The following IMMP2L variants were observed in gnomAD, a reference collection of about 807,000 sequenced individuals.
IMMP2L encodes mitochondrial inner membrane protease subunit 2.
A neutral mutation model predicts 19.3 loss-of-function variants in IMMP2L; 18 were observed. That is an observed-to-expected ratio of 0.93 (90% CI 0.64 to 1.38). The LOEUF (loss-of-function observed/expected upper bound fraction) is 1.38, where lower values mean the gene tolerates loss of function less well. IMMP2L is among the 40% of genes most tolerant of loss of function. The probability of loss-of-function intolerance (pLI) is 0.00; values close to 1 mark genes in which losing one functional copy is unlikely to be tolerated. For synonymous variants in IMMP2L, 76 were observed against 73.0 expected, an observed-to-expected ratio of 1.04 and a Z score of -0.21; for missense variants, 233 against 218.2, an observed-to-expected ratio of 1.07 and a Z score of -0.43.
At chr7:110,958,745 A>C (rs1254255049) in intron 4 of IMMP2L, among the ~76,000 whole-genome samples, 1 of 152,032 alleles carries the variant, frequency 6.6e-6, no homozygotes, top group East Asian at 1.9e-4. Context: ...TGTCATGTGG[A>C]TAGGTCCTAG....
At chr7:111,422,289 T>C (rs1025107235) in intron 3 of IMMP2L, among the ~76,000 whole-genome samples, 4 of 151,912 alleles carry the variant, frequency 2.6e-5, no homozygotes, top group African/African-American at 7.3e-5. Context: ...GGGGATGGCA[T>C]TGAATCAATA....
At chr7:111,279,084 G>GA (rs1819416753) in intron 3 of IMMP2L, among the ~76,000 whole-genome samples, 1 of 152,096 alleles carries the variant, frequency 6.6e-6, no homozygotes, top group African/African-American at 2.4e-5. Flanking sequence ...CACAGACATT[G>GA]AAAAACATTA....
At chr7:110,865,953 C>T (rs1807939724) in intron 5 of IMMP2L, among the ~76,000 whole-genome samples, 1 of 151,738 alleles carries the variant, frequency 6.6e-6, no homozygotes, top group Admixed American at 6.6e-5. Flanking sequence ...TGTCAAAGTA[C>T]ATTCAGGTAT....
intron 3 of IMMP2L, among the ~76,000 whole-genome samples, chr7:111,013,353 G>T (rs543079746): frequency 6.6e-6 from 1 of 152,212 alleles, no homozygotes; most frequent in South Asian, 2.1e-4. Context: ...CAATGAAAAG[G>T]CTTCTACAAC....
intron 3 of IMMP2L, among the ~76,000 whole-genome samples, chr7:111,034,651 G>T (rs1048042856): frequency 6.6e-6 from 1 of 152,078 alleles, no homozygotes; most frequent in Non-Finnish European, 1.5e-5. Context: ...GATTAAGTTT[G>T]TACCATAAGA....
At chr7:110,722,618 T>C (rs1193087243) in intron 5 of IMMP2L, among the ~76,000 whole-genome samples, 2 of 152,182 alleles carry the variant, frequency 1.3e-5, no homozygotes, top group Non-Finnish European at 2.9e-5. Context: ...ATAGCATACA[T>C]TGTACTCAAT....
At chr7:111,412,629 G>C (rs1563160087) in intron 3 of IMMP2L, among the ~76,000 whole-genome samples, 1 of 151,794 alleles carries the variant, frequency 6.6e-6, no homozygotes, top group African/African-American at 2.4e-5. Flanking sequence ...CTAAAGTACT[G>C]CTCAGAACAG....
intron 5 of IMMP2L, among the ~76,000 whole-genome samples, chr7:110,737,314 A>G (rs1796702472): frequency 1.3e-5 from 2 of 152,220 alleles, no homozygotes; most frequent in East Asian, 3.9e-4. Context: ...GCCTGGAAAC[A>G]GACTCAGTGC....
At chr7:111,440,935 G>T (rs1423504812) in intron 3 of IMMP2L, among the ~76,000 whole-genome samples, 1 of 151,886 alleles carries the variant, frequency 6.6e-6, no homozygotes, top group Admixed American at 6.5e-5. Context: ...TGTTATGAAA[G>T]TGGTTTCTTT....
intron 3 of IMMP2L, among the ~76,000 whole-genome samples, chr7:111,163,502 CCTAA>C (rs1360690869): frequency 6.6e-6 from 1 of 152,040 alleles, no homozygotes; most frequent in African/African-American, 2.4e-5. Context: ...TTGATAATCC[CCTAA>C]CTGTCAATAT....
In IMMP2L at chr7:110,791,694, C is replaced by A. The variant is rs145928411; in HGVS notation, c.408+94899G>T. Among the ~76,000 whole-genome samples, 1,463 of 151,788 alleles carry A rather than the reference C, an allele frequency of 9.6e-3. 9 individuals carry two copies. The highest frequency in any genetic ancestry group is 0.015 in the Admixed American group (225 of 15,270). On this transcript the variant is annotated intron_variant, in intron 5 of 5. Coordinates refer to ENST00000405709, the MANE Select transcript of IMMP2L (RefSeq NM_032549.4). ...CTCAGAGGTACCACCACAGTAAGCC[C>A]CCTAATACCTTCTAATACTCCTGAA... is the stretch of plus-strand genomic sequence containing the variant.
intron 4 of IMMP2L, among the ~76,000 whole-genome samples, chr7:110,915,244 C>A (rs186292792): frequency 9.9e-5 from 14 of 142,086 alleles, no homozygotes; most frequent in African/African-American, 4.4e-4. Flanking sequence ...CATGTGCACG[C>A]GCGTGCGTGC....
intron 3 of IMMP2L, among the ~76,000 whole-genome samples, chr7:111,193,237 T>C (rs1271460847): frequency 6.6e-6 from 1 of 152,086 alleles, no homozygotes; most frequent in Non-Finnish European, 1.5e-5. Context: ...AGAAAGTCGA[T>C]GGGTGTCTGT....
chr7:111,538,816 TAAAAAAA>T (rs768599585), intron 1 of IMMP2L, among the ~76,000 whole-genome samples: 5 of 82,430 alleles, frequency 6.1e-5, no homozygotes, highest in Admixed American at 1.4e-4. Context: ...CTGGCTCATT[TAAAAAAA>T]AAAAAAAAAA....
intron 3 of IMMP2L, among the ~76,000 whole-genome samples, chr7:111,378,351 A>G (rs1412519060): frequency 6.6e-6 from 1 of 152,042 alleles, no homozygotes; most frequent in Non-Finnish European, 1.5e-5. Flanking sequence ...TAATCCAGTT[A>G]GTCAACATTT....
In IMMP2L at chr7:110,757,788, T is replaced by C. The variant is rs1241944928; in HGVS notation, c.409-94067A>G. On this transcript the variant is annotated intron_variant, in intron 5 of 5. Transcript: ENST00000405709. This position sits in a 1 kb window ranked among gnomAD's most constrained non-coding sequence, Gnocchi z 4.2. ...TACTTTGAGTTTGTCATCTGTGTTT[T>C]GTCAGCACTCTGACGGAAAAAACCT... Among the ~76,000 whole-genome samples, 1 of 152,156 alleles carries C rather than the reference T, an allele frequency of 6.6e-6. No individual in the cohort carries two copies. The highest frequency in any genetic ancestry group is 1.5e-5 in the Non-Finnish European group (1 of 68,022).
rs1845218479 is a variant in IMMP2L, at chr7:111,509,198, T to G, written c.135+12115A>C. Among the ~76,000 whole-genome samples, 3 of 152,156 alleles carry G rather than the reference T, an allele frequency of 2.0e-5. No individual in the cohort carries two copies. The South Asian group carries it at 6.2e-4, about 32-fold the overall frequency. Reference sequence around the variant, plus strand: ...CTTTAGTATTTACAGAGTTTGTTAATGCAGATTCCAAGGTCCTCACAAAAC... The same window carrying G: ...CTTTAGTATTTACAGAGTTTGTTAAGGCAGATTCCAAGGTCCTCACAAAAC... On this transcript the variant is annotated intron_variant, in intron 2 of 5. Coordinates refer to ENST00000405709, the MANE Select transcript of IMMP2L (RefSeq NM_032549.4).
At chr7:111,203,712 GAGGAAGGGAC>G (rs1036473785) in intron 3 of IMMP2L, among the ~76,000 whole-genome samples, 6 of 151,382 alleles carry the variant, frequency 4.0e-5, no homozygotes, top group African/African-American at 1.5e-4. Context: ...CCATTTTCTG[GAGGAAGGGAC>G]ATAGGTTTGA....
At chr7:110,683,031 T>C (rs1292256383) in intron 5 of IMMP2L, among the ~76,000 whole-genome samples, 1 of 152,102 alleles carries the variant, frequency 6.6e-6, no homozygotes, top group Non-Finnish European at 1.5e-5. Flanking sequence ...CCATTGAGAT[T>C]AGTGCACAAC....
Sources: allele counts gnomAD v4.1 joint callset (sites outside exome capture counted in the v4.1 genomes callset), GRCh38; gene constraint gnomAD v4.1.1; non-coding constraint Gnocchi (gnomAD v3.1); transcripts MANE v1.5; gene names NCBI Gene and HGNC (gene_info 2026-07-23, HGNC 2026-07-21).